ATG4D: variants seen among roughly 807,000 people sequenced by gnomAD.
The protein encoded by ATG4D is autophagy related 4D cysteine peptidase, also known as cysteine protease ATG4D.
In ATG4D, 51 loss-of-function variants were observed where a neutral mutation model predicts 55.2. That is an observed-to-expected ratio of 0.92 (90% CI 0.74 to 1.17). The LOEUF is 1.17. Ranked by LOEUF, ATG4D falls within the 50% of genes most tolerant of loss-of-function variation. The pLI is 0.00. For synonymous variants in ATG4D, 268 were observed against 266.2 expected (o/e 1.01, Z -0.07); for missense variants, 635 against 649.6 (o/e 0.98, Z 0.25).
intron 6 of ATG4D, 97 bp downstream of exon 6, chr19:10,549,131 T>C: frequency 1.9e-5 from 28 of 1,446,490 alleles, no homozygotes; most frequent in Admixed American, 7.6e-5. Context: ...CTCATCACTT[T>C]TTTTTTTTTG....
In ATG4D at chr19:10,552,904, CCA is replaced by C. The variant is rs763935804; in HGVS notation, c.1265_1266del (p.Thr422ArgfsTer47). The C allele has an allele frequency of 6.2e-6, 10 of 1,610,830 alleles. No homozygotes were observed. The African/African-American group carries it at 1.2e-4, about 19-fold the overall frequency. On this transcript the variant is annotated frameshift_variant, in exon 10 of 10. Transcript: ENST00000309469. LOFTEE classifies it high-confidence loss of function. ...CGCCAGGTCCTCAGCTCCTCCTCAG[CCA>C]CAGAGCGGTACCCCATGTTCACCCT...
intron 5 of ATG4D, among the ~76,000 whole-genome samples, chr19:10,547,760 G>A (rs1307247663): frequency 6.0e-4 from 89 of 149,554 alleles, no homozygotes; most frequent in South Asian, 2.0e-3. Context: ...GCAGAGGCAC[G>A]ATCTCGGCTC....
At chr19:10,552,473 C>G (rs1916301158) in intron 9 of ATG4D, 149 bp downstream of exon 9, 4 of 1,163,892 alleles carry the variant, frequency 3.4e-6, no homozygotes, top group South Asian at 3.2e-5. Flanking sequence ...AATGTCCACC[C>G]CTGAAAAGGT....
At position 10,553,062 on chromosome 19, in the gene ATG4D, T is replaced by TTA. The variant is rs1238048134; in HGVS notation, c.1423_1424dup (p.Ter475TyrfsTer6). The TTA allele has an allele frequency of 6.3e-7, 1 of 1,597,308 alleles. No homozygotes were observed. Among genetic ancestry groups the TTA allele is most frequent in the Non-Finnish European group, 8.5e-7 (1 of 1,172,632 alleles). ...CCCCAGCTCTGAGGACTTTGTGTTTTTATAAAGGGAGGGGATGAGGGGAAA... is the reference window on the plus strand; with the variant it reads ...CCCCAGCTCTGAGGACTTTGTGTTTTTATATAAAGGGAGGGGATGAGGGGAAA... On this transcript the variant is annotated frameshift_variant, in exon 10 of 10. Coordinates refer to ENST00000309469, the MANE Select transcript of ATG4D (RefSeq NM_032885.6). LOFTEE classifies it high-confidence loss of function.
At chr19:10,545,790 G>A (rs1203394179) in intron 3 of ATG4D, among the ~76,000 whole-genome samples, 3 of 151,534 alleles carry the variant, frequency 2.0e-5, no homozygotes, top group Admixed American at 6.6e-5. Context: ...TGCTTGAACC[G>A]GGGAGGCGGA....
chr19:10,545,142 G>A lies in ATG4D; in HGVS notation c.493+12G>A, dbSNP rs373316663. The A allele has an allele frequency of 2.4e-5, 38 of 1,605,980 alleles. No homozygotes were observed. Among genetic ancestry groups the A allele is most frequent in the East Asian group, 4.5e-5 (2 of 44,900 alleles). ...TTTCCTGCCCAGAGGTGAGCCATAG[G>A]GGGGAAGGGGTGCACTAGGAGTACA... On this transcript the variant is annotated intron_variant, in intron 3 of 9. Coordinates refer to ENST00000309469, the MANE Select transcript of ATG4D (RefSeq NM_032885.6).
At position 10,543,990 on chromosome 19, in the gene ATG4D, A is replaced by C; in HGVS notation, c.-101A>C. 1 of 755,140 alleles carries C rather than the reference A, an allele frequency of 1.3e-6. No homozygotes were observed. Among genetic ancestry groups the C allele is most frequent in the Non-Finnish European group, 1.8e-6 (1 of 557,412 alleles). The allele number at this position is 755,140 out of a possible 1,614,324, so 46.8% of individuals were successfully genotyped here. A position where few individuals can be genotyped will look rare whatever the true frequency, so the allele number is the denominator to read the frequency against. On this transcript the variant is annotated 5_prime_UTR_variant, in exon 1 of 10. The change abolishes the stop of an existing upstream ORF in the 5' untranslated region. Transcript: ENST00000309469. The stretch of plus-strand genomic sequence containing the variant: ...GGTACCCTGGGGACGGGGGCCGAGT[A>C]GCGCCTTCCCCGGGCCCCGTGAACC...
chr19:10,552,383 A>C (rs1216385769), intron 9 of ATG4D, 59 bp downstream of exon 9: 3 of 1,553,726 alleles, frequency 1.9e-6, no homozygotes, highest in Admixed American at 1.8e-5. Flanking sequence ...GCTGGGGGTG[A>C]AAGAGGAACA....
At position 10,544,821 on chromosome 19, in the gene ATG4D, T is replaced by C. The variant is rs1485313608; in HGVS notation, c.274T>C (p.Ser92Pro). 3 of 1,613,976 alleles carry C rather than the reference T, an allele frequency of 1.9e-6. No homozygotes were observed. Among genetic ancestry groups the C allele is most frequent in the Non-Finnish European group, 2.5e-6 (3 of 1,179,956 alleles). ...VKSRTSFSKI[S>P]SIHLCGRRYR... ...AAGCCGGACCAGCTTTAGCAAGATC[T>C]CCAGCATCCACCTCTGTGGCCGCCG... The change falls in exon 2 of 10, where the codon TCC (serine) becomes CCC (proline). Residue 92 changes from serine (S) to proline (P), a missense_variant. By Grantham distance (74) the Ser-to-Pro change is moderately conservative (BLOSUM62 -1). Transcript: ENST00000309469.
chr19:10,551,720 T>A (rs2098037382), intron 6 of ATG4D, among the ~76,000 whole-genome samples, 177 bp from the exon 7 acceptor site: 1 of 132,836 alleles, frequency 7.5e-6, no homozygotes, highest in African/African-American at 2.8e-5. Flanking sequence ...AAAAAAAAAA[T>A]TCATGTAATC....
In ATG4D at chr19:10,544,247, G is replaced by C; in HGVS notation, c.157G>C (p.Gly53Arg). Residue 53 changes from glycine (G) to arginine (R), a missense_variant, in exon 1 of 10, where the codon GGG becomes CGG. By Grantham distance (125) the Gly-to-Arg change is moderately radical. Coordinates refer to ENST00000309469, the MANE Select transcript of ATG4D (RefSeq NM_032885.6). ...GASGPALGSP[G>R]AGPSEPDEVD... is the part of the protein sequence containing the mutation. ...CAGCGGCCCCGCTCTTGGCTCTCCC[G>C]GGGCTGGCCCGAGTGAGCCGGACGA... 7.9e-7 allele frequency: 1 copy of C among 1,261,448 alleles called. No homozygotes were observed. The highest frequency in any genetic ancestry group is 1.0e-6 in the Non-Finnish European group (1 of 995,018). The allele number at this position is 1,261,448 out of a possible 1,614,324, so 78.1% of individuals were successfully genotyped here. A position where few individuals can be genotyped will look rare whatever the true frequency, so the allele number is the denominator to read the frequency against.
rs1413412234 is a variant in ATG4D, at chr19:10,552,056, C to T, written c.1057C>T (p.Leu353=). 1.9e-6 allele frequency: 3 copies of T among 1,605,882 alleles called. No homozygotes were observed. Among genetic ancestry groups the T allele is most frequent in the Non-Finnish European group, 2.5e-6 (3 of 1,176,726 alleles). ...TGCACCCCCTGCAGATGACTTCCTG[C>T]TGTACCTGGACCCTCACTACTGCCA... ...YFIGYQDDFL[L]YLDPHYCQPT... Residue 353 remains leucine, a synonymous_variant, in exon 8 of 10, where the codon CTG becomes TTG. Transcript: ENST00000309469.
At chr19:10,552,857 G>A (rs1160302969) in intron 9 of ATG4D, 28 bp from the exon 10 acceptor site, 2 of 1,589,114 alleles carry the variant, frequency 1.3e-6, no homozygotes, top group South Asian at 1.1e-5. Flanking sequence ...ACTGTTTGTG[G>A]CTGACCCTGT....
intron 6 of ATG4D, among the ~76,000 whole-genome samples, chr19:10,550,545 C>G (rs1916187796): frequency 6.6e-6 from 1 of 152,080 alleles, no homozygotes; most frequent in Non-Finnish European, 1.5e-5. Context: ...TCCACACCAC[C>G]TTCTTGATGT....
intron 6 of ATG4D, chr19:10,551,105 TA>T (rs1236404567): frequency 6.6e-6 from 1 of 152,184 alleles, no homozygotes; most frequent in Non-Finnish European, 1.5e-5. Context: ...CCTCTTTACT[TA>T]AAATCACAAG....
Position 10,551,867 on chromosome 19 carries a change from G to A in ATG4D, c.967-30G>A, listed in dbSNP as rs1172447657. 2.5e-6 allele frequency: 4 copies of A among 1,611,686 alleles called. No homozygotes were observed. In the South Asian group the frequency reaches 3.3e-5, roughly 13 times the overall value. On this transcript the variant is annotated intron_variant, in intron 6 of 9. Coordinates refer to ENST00000309469, the MANE Select transcript of ATG4D (RefSeq NM_032885.6). ...CCAAGCGTTTGTTGAGTGGCTGCCT[G>A]ACAGCACCTGCCTACCCTCCTCCCT...
chr19:10,545,504 G>A lies in ATG4D; in HGVS notation c.493+374G>A, dbSNP rs370381412. The stretch of plus-strand genomic sequence containing the variant: ...GGAGAATCTCTTGAACCCAGGAGGC[G>A]GAGGTTACAGCAAGCCAAGATCGCA... On this transcript the variant is annotated intron_variant, in intron 3 of 9. Transcript: ENST00000309469. Among the ~76,000 whole-genome samples the A allele has an allele frequency of 3.6e-3, 548 of 152,004 alleles. 7 individuals carry two copies. In the South Asian group the frequency reaches 0.04, roughly 11 times the overall value.
In ATG4D at chr19:10,545,121, C is replaced by T; in HGVS notation, c.484C>T (p.Leu162=). The T allele has an allele frequency of 6.2e-7, 1 of 1,610,342 alleles. No individual in the cohort carries two copies. Among genetic ancestry groups the T allele is most frequent in the African/African-American group, 1.3e-5 (1 of 75,074 alleles). The change falls in exon 3 of 10, where the codon CTG becomes TTG. Residue 162 remains leucine, a synonymous_variant. Transcript: ENST00000309469. ...GGCACAGGGCCTTCTGCTGCATTTC[C>T]TGCCCAGAGGTGAGCCATAGGGGGG... ...MLAQGLLLHF[L]PRDWTWAEGM...
rs1020438514 is a variant in ATG4D, at chr19:10,544,172, C to G, written c.82C>G (p.Pro28Ala). Residue 28 changes from proline to alanine, a missense_variant, in exon 1 of 10, where the codon CCG (proline) becomes GCG (alanine). Coordinates refer to ENST00000309469, the MANE Select transcript of ATG4D (RefSeq NM_032885.6). Reference protein sequence around the residue: ...DARRRPEARRPRGPRGPDPNG... With the variant: ...DARRRPEARRARGPRGPDPNG... ...GCGCCGCCGGCCCGAGGCCCGCAGG[C>G]CGCGGGGTCCCAGAGGCCCAGACCC... 4.6e-5 allele frequency: 57 copies of G among 1,245,456 alleles called. No individual in the cohort carries two copies. Among genetic ancestry groups the G allele is most frequent in the Admixed American group, 8.5e-5 (2 of 23,658 alleles). The allele number at this position is 1,245,456 out of a possible 1,614,324, so 77.2% of individuals were successfully genotyped here. A position where few individuals can be genotyped will look rare whatever the true frequency, so the allele number is the denominator to read the frequency against.
Sources: allele counts gnomAD v4.1 joint callset (sites outside exome capture counted in the v4.1 genomes callset), GRCh38; gene constraint gnomAD v4.1.1; transcripts MANE v1.5; gene names NCBI Gene and HGNC (gene_info 2026-07-23, HGNC 2026-07-21).